The following MOB4 variants were observed in gnomAD, a reference collection of about 807,000 sequenced individuals.
MOB4 encodes MOB-like protein phocein.
Under a neutral mutation model 32.2 loss-of-function variants are expected in MOB4, and 4 were observed. The observed-to-expected ratio is 0.12, with a 90% CI of 0.06 to 0.28. MOB4 has a LOEUF of 0.28. Ranked by LOEUF, MOB4 falls within the 10% of genes least tolerant of loss-of-function variation. The pLI is 1.00. For missense variants in MOB4, 158 were observed against 271.2 expected, an observed-to-expected ratio of 0.58 and a Z score of 2.93; for synonymous variants, 88 against 88.1, an observed-to-expected ratio of 1.00 and a Z score of 0.01.
At chr2:197,519,394 C>G (rs536026118) in intron 1 of MOB4, among the ~76,000 whole-genome samples, 1 of 152,270 alleles carries the variant, frequency 6.6e-6, no homozygotes, top group South Asian at 2.1e-4. Flanking sequence ...CTCCGTACCC[C>G]CACCCCATAC....
At chr2:197,539,702 A>G (rs2086864981) in intron 3 of MOB4, among the ~76,000 whole-genome samples, 1 of 152,156 alleles carries the variant, frequency 6.6e-6, no homozygotes, top group African/African-American at 2.4e-5. Context: ...ATTTTCTCAT[A>G]TGCATATATA....
chr2:197,526,389 TCA>T (rs1371799549), intron 2 of MOB4, among the ~76,000 whole-genome samples: 1 of 152,222 alleles, frequency 6.6e-6, no homozygotes, highest in East Asian at 1.9e-4. Flanking sequence ...TGACCTCAAC[TCA>T]CTGCAGCCTC....
Position 197,550,538 on chromosome 2 carries a change from G to A in MOB4, c.570G>A (p.Arg190=). ...EYENETFLCH[R]FTKFVMKYNL... ...AGAATGAAACATTTTTGTGTCATCG[G>A]TTTACTAAGTTTGTGATGAAATACA... The change falls in exon 8 of 8, where the codon CGG becomes CGA. Residue 190 remains arginine (R), a synonymous_variant. Transcript: ENST00000323303. The A allele has an allele frequency of 6.2e-7, 1 of 1,601,602 alleles. No homozygotes were observed. The highest frequency in any genetic ancestry group is 8.5e-7 in the Non-Finnish European group (1 of 1,176,186).
intron 5 of MOB4, among the ~76,000 whole-genome samples, chr2:197,543,610 C>G (rs986944746): frequency 2.6e-5 from 4 of 152,122 alleles, no homozygotes; most frequent in African/African-American, 9.7e-5. Context: ...AAGTCAGATG[C>G]AAAAGGACAG....
At chr2:197,547,393 C>G (rs2087015562) in intron 5 of MOB4, among the ~76,000 whole-genome samples, 1 of 152,046 alleles carries the variant, frequency 6.6e-6, no homozygotes, top group African/African-American at 2.4e-5. Context: ...TGCTTTTGAC[C>G]AACTCATCTG....
At chr2:197,540,242 T>G in intron 4 of MOB4, 89 bp downstream of exon 4, 1 of 1,510,844 alleles carries the variant, frequency 6.6e-7, no homozygotes, top group Non-Finnish European at 8.9e-7. Flanking sequence ...CAAAAACGTA[T>G]CCACATTTCT....
At chr2:197,541,225 A>T (rs1404338676) in intron 5 of MOB4, among the ~76,000 whole-genome samples, 1 of 151,834 alleles carries the variant, frequency 6.6e-6, no homozygotes, top group African/African-American at 2.4e-5. Context: ...TTATTTAAAA[A>T]ATTTCTTCAT....
At chr2:197,536,578 A>G (rs2086802492) in intron 3 of MOB4, among the ~76,000 whole-genome samples, 1 of 142,390 alleles carries the variant, frequency 7.0e-6, no homozygotes, top group African/African-American at 2.6e-5. Flanking sequence ...TTTTTGCATA[A>G]CTGTGTCATC....
chr2:197,518,834 C>A (rs888734281), intron 1 of MOB4, among the ~76,000 whole-genome samples: 1 of 152,152 alleles, frequency 6.6e-6, no homozygotes, highest in Admixed American at 6.5e-5. Flanking sequence ...TGGCTCACTG[C>A]AAGTTCCACG....
rs905564567 is a variant in MOB4, at chr2:197,516,352, A to G, written c.60+206A>G. ...CGTGAGGCCTGCGGAGCTCCGACCCAGGGGTAGGCGTGAGGGGCGGGTGGG... is the reference window on the plus strand; with the variant it reads ...CGTGAGGCCTGCGGAGCTCCGACCCGGGGGTAGGCGTGAGGGGCGGGTGGG... On this transcript the variant is annotated intron_variant, in intron 1 of 7. Transcript: ENST00000323303. 3.5e-6 allele frequency: 5 copies of G among 1,414,834 alleles called. No individual in the cohort carries two copies. In the African/African-American group the frequency reaches 7.4e-5, roughly 21 times the overall value. The allele number at this position is 1,414,834 out of a possible 1,614,324, so 87.6% of individuals were successfully genotyped here. A position where few individuals can be genotyped will look rare whatever the true frequency, so the allele number is the denominator to read the frequency against.
intron 2 of MOB4, among the ~76,000 whole-genome samples, chr2:197,525,239 C>CGCT (rs1156499795): frequency 4.1e-5 from 6 of 146,200 alleles, no homozygotes; most frequent in Admixed American, 6.9e-5. Context: ...CCCAGCTACT[C>CGCT]GGGGGCTGAG....
intron 2 of MOB4, among the ~76,000 whole-genome samples, chr2:197,531,268 T>C (rs934200213): frequency 6.6e-6 from 1 of 151,784 alleles, no homozygotes; most frequent in Non-Finnish European, 1.5e-5. Flanking sequence ...ATGGTTTCGA[T>C]CTCCTGACCT....
chr2:197,525,121 G>A (rs577439860), intron 2 of MOB4, among the ~76,000 whole-genome samples: 31 of 152,104 alleles, frequency 2.0e-4, no homozygotes, highest in Non-Finnish European at 3.4e-4. Flanking sequence ...CAAGGCGAGC[G>A]GATCACCAGG....
At chr2:197,533,496 G>T (rs1002300358) in intron 2 of MOB4, among the ~76,000 whole-genome samples, 2 of 152,124 alleles carry the variant, frequency 1.3e-5, no homozygotes, top group African/African-American at 4.8e-5. Flanking sequence ...AGGCCGAGGC[G>T]GGTGGATCAG....
intron 5 of MOB4, among the ~76,000 whole-genome samples, chr2:197,546,365 G>A (rs904910879): frequency 1.3e-5 from 2 of 150,808 alleles, no homozygotes; most frequent in South Asian, 2.1e-4. Flanking sequence ...CCGGCCTCAC[G>A]TTATCCCCTT....
chr2:197,546,692 A>G (rs1299178170), intron 5 of MOB4, among the ~76,000 whole-genome samples: 1 of 152,158 alleles, frequency 6.6e-6, no homozygotes, highest in Non-Finnish European at 1.5e-5. Context: ...GAGCCACCAC[A>G]TTGGGCCTAG....
chr2:197,516,118 G>T lies in MOB4; in HGVS notation c.32G>T (p.Arg11Met). MVMAEGTAVL[R>M]RNRPGTKAQD... ...ATGGCGGAGGGGACGGCAGTGCTGA[G>T]GCGGAACAGGCCGGGCACCAAGGCG... The change falls in exon 1 of 8, where the codon AGG becomes ATG. Residue 11 changes from arginine (R) to methionine (M), a missense_variant. Physicochemically the swap from Arg to Met is moderately conservative, Grantham distance 91. This residue lies in a region of MOB4 where 41 missense variants were observed against 26.4 expected (regional missense o/e 1.55). Coordinates refer to ENST00000323303, the MANE Select transcript of MOB4 (RefSeq NM_015387.5). 1 of 1,604,532 alleles carries T rather than the reference G, an allele frequency of 6.2e-7. No individual in the cohort carries two copies. Among genetic ancestry groups the T allele is most frequent in the South Asian group, 1.1e-5 (1 of 89,152 alleles).
intron 1 of MOB4, among the ~76,000 whole-genome samples, chr2:197,520,184 CTT>C (rs765434673): frequency 1.1e-4 from 16 of 141,260 alleles, no homozygotes; most frequent in Non-Finnish European, 1.1e-4. Flanking sequence ...TGCACTTAAA[CTT>C]TTTTTTTTTT....
rs1287352317 is a variant in MOB4, at chr2:197,551,025, G to A, written c.*379G>A. The A allele has an allele frequency of 1.3e-5, 2 of 153,282 alleles. No individual in the cohort carries two copies. Among genetic ancestry groups the A allele is most frequent in the Non-Finnish European group, 2.9e-5 (2 of 68,698 alleles). The allele number at this position is 153,282 out of a possible 1,614,324, so 9.5% of individuals were successfully genotyped here. ...AGCCATTTACTAAAGAGGTAGAAATGTTTTCTATTGGTTTTACCTTGAGTT... is the reference window on the plus strand; with the variant it reads ...AGCCATTTACTAAAGAGGTAGAAATATTTTCTATTGGTTTTACCTTGAGTT... On this transcript the variant is annotated 3_prime_UTR_variant, in exon 8 of 8. Coordinates refer to ENST00000323303, the MANE Select transcript of MOB4 (RefSeq NM_015387.5).
Sources: allele counts gnomAD v4.1 joint callset (sites outside exome capture counted in the v4.1 genomes callset), GRCh38; gene constraint gnomAD v4.1.1; regional missense constraint gnomAD v4.1.1; transcripts MANE v1.5; gene names NCBI Gene and HGNC (gene_info 2026-07-23, HGNC 2026-07-21).